The following SMYD3 variants were observed in gnomAD, a reference collection of about 807,000 sequenced individuals.
SMYD3 encodes SET and MYND domain containing 3.
SMYD3 carries 36 observed loss-of-function variants against 57.7 expected under a neutral mutation model. That is an observed-to-expected ratio of 0.62 (90% confidence interval 0.48 to 0.82). SMYD3 has a LOEUF of 0.82. Among genes scored for constraint, SMYD3 ranks in the 40% least tolerant of loss-of-function variants. SMYD3 has a pLI of 0.00. For missense variants in SMYD3, 515 were observed against 538.8 expected (o/e 0.96, Z 0.44); for synonymous variants, 211 against 195.0 (o/e 1.08, Z -0.68).
At chr1:246,232,192 T>C (rs1572248401) in intron 5 of SMYD3, among the ~76,000 whole-genome samples, 1 of 151,968 alleles carries the variant, frequency 6.6e-6, no homozygotes, top group Non-Finnish European at 1.5e-5. Flanking sequence ...GGTTAGGGGG[T>C]TAATGAATGA....
intron 10 of SMYD3, among the ~76,000 whole-genome samples, chr1:245,817,306 G>C (rs570014606): frequency 4.2e-5 from 6 of 143,394 alleles, no homozygotes; most frequent in Admixed American, 2.1e-4. Context: ...TCACATGGCA[G>C]GGTATTCCAA....
At position 246,499,419 on chromosome 1, in the gene SMYD3, CACACACAT is replaced by C. The variant is rs543633011; in HGVS notation, c.164+7627_164+7634del. Among the ~76,000 whole-genome samples the C allele has an allele frequency of 1.5e-3, 230 of 151,580 alleles. No individual in the cohort carries two copies. The East Asian group carries it at 0.03, about 19-fold the overall frequency. ...TCAAATATACACACACACACACACA[CACACACAT>C]ATATATATTTTTGTTATTGTTGTTT... is the stretch of plus-strand genomic sequence containing the variant. On this transcript the variant is annotated intron_variant, in intron 1 of 11. Coordinates refer to ENST00000490107, the MANE Select transcript of SMYD3 (RefSeq NM_001167740.2).
In SMYD3 at chr1:246,481,607, T is replaced by TATATATATATATATATATATATACAC. The variant is rs1156393004; in HGVS notation, c.164+25446_164+25447insGTGTATATATATATATATATATATAT. Among the ~76,000 whole-genome samples the TATATATATATATATATATATATACAC allele has an allele frequency of 2.7e-4, 17 of 61,954 alleles. 1 individual carries two copies. Among genetic ancestry groups the TATATATATATATATATATATATACAC allele is most frequent in the Admixed American group, 7.0e-4 (3 of 4,268 alleles). 40.6% of individuals were successfully genotyped at this position (61,954 alleles called of 152,430 possible). On this transcript the variant is annotated intron_variant, in intron 1 of 11. Coordinates refer to ENST00000490107, the MANE Select transcript of SMYD3 (RefSeq NM_001167740.2). ...TTCTCAGGCTCCATATATATATATA[T>TATATATATATATATATATATATACAC]ACACATACATATATACATACATACA... is the stretch of plus-strand genomic sequence containing the variant.
At chr1:245,823,233 G>C (rs2049278791) in intron 10 of SMYD3, among the ~76,000 whole-genome samples, 1 of 152,180 alleles carries the variant, frequency 6.6e-6, no homozygotes, top group Non-Finnish European at 1.5e-5. Context: ...ACATTGTTCA[G>C]GACGATTGCA....
chr1:246,169,901 C>CAAAAA lies in SMYD3; in HGVS notation c.531+157295_531+157299dup, dbSNP rs35486805. ...CCTAGGCAACAGAGCAAGACTCTGC[C>CAAAAA]AAAAAAAAAAAAAAGATACAGCAAG... On this transcript the variant is annotated intron_variant, in intron 5 of 11. Transcript: ENST00000490107. Among the ~76,000 whole-genome samples, 164 of 107,380 alleles carry CAAAAA rather than the reference C, an allele frequency of 1.5e-3. 1 individual carries two copies. The highest frequency in any genetic ancestry group is 5.1e-3 in the African/African-American group (149 of 29,278). 70.4% of individuals were successfully genotyped at this position (107,380 alleles called of 152,430 possible).
In SMYD3 at chr1:245,859,652, C is replaced by T. The variant is rs544204224; in HGVS notation, c.902-982G>A. On this transcript the variant is annotated intron_variant, in intron 9 of 11. Transcript: ENST00000490107. ...TTCACTGTGCGGTGTGTTAGGCGAG[C>T]TGGAGACCAAGGAGGGTGCAGGACT... Among the ~76,000 whole-genome samples the T allele has an allele frequency of 7.9e-5, 12 of 152,296 alleles. 1 individual carries two copies. The South Asian group carries it at 2.5e-3, about 32-fold the overall frequency.
chr1:246,216,475 G>C (rs2063166355), intron 5 of SMYD3, among the ~76,000 whole-genome samples: 1 of 152,058 alleles, frequency 6.6e-6, no homozygotes, highest in African/African-American at 2.4e-5. Flanking sequence ...CTAGGAACAA[G>C]TGGGAAAATC....
chr1:246,223,269 G>A (rs564759736), intron 5 of SMYD3, among the ~76,000 whole-genome samples: 3 of 152,296 alleles, frequency 2.0e-5, no homozygotes, highest in South Asian at 4.1e-4. Flanking sequence ...GAAGACAGCA[G>A]TGTTGCCAGA....
intron 5 of SMYD3, among the ~76,000 whole-genome samples, chr1:246,188,288 G>A (rs145648542): frequency 1.3e-5 from 2 of 152,160 alleles, no homozygotes; most frequent in Admixed American, 6.5e-5. Context: ...AGCGATCAGA[G>A]TCCAGATTGG....
At chr1:245,951,816 T>C (rs2057663272) in intron 5 of SMYD3, among the ~76,000 whole-genome samples, 3 of 152,118 alleles carry the variant, frequency 2.0e-5, no homozygotes, top group Non-Finnish European at 4.4e-5. Flanking sequence ...TCTTGAGTTA[T>C]ATACAGATTT....
chr1:245,947,312 C>T, intron 5 of SMYD3: 2 of 454,084 alleles, frequency 4.4e-6, no homozygotes, highest in Non-Finnish European at 8.9e-6. Context: ...GGCACTCTGT[C>T]ATGTGAATGT....
At chr1:245,854,527 G>C (rs2051133847) in intron 10 of SMYD3, among the ~76,000 whole-genome samples, 1 of 152,100 alleles carries the variant, frequency 6.6e-6, no homozygotes, top group Non-Finnish European at 1.5e-5. Flanking sequence ...AGCTAATCTA[G>C]ACAGATGTCT....
At chr1:245,885,408 C>A (rs540025952) in intron 8 of SMYD3, among the ~76,000 whole-genome samples, 11 of 152,188 alleles carry the variant, frequency 7.2e-5, no homozygotes, top group Non-Finnish European at 1.3e-4. Context: ...TTCACCCCTG[C>A]AAGCTTCCAG....
In SMYD3 at chr1:246,307,471, G is replaced by C. The variant is rs1032503364; in HGVS notation, c.531+19730C>G. Among the ~76,000 whole-genome samples, 10 of 142,400 alleles carry C rather than the reference G, an allele frequency of 7.0e-5. No individual in the cohort carries two copies. In the South Asian group the frequency reaches 8.9e-4, roughly 13 times the overall value. The allele number at this position is 142,400 out of a possible 152,430, so 93.4% of individuals were successfully genotyped here. On this transcript the variant is annotated intron_variant, in intron 5 of 11. Coordinates refer to ENST00000490107, the MANE Select transcript of SMYD3 (RefSeq NM_001167740.2). Reference sequence around the variant, plus strand: ...GTCTCGCTCTGTCGCCCAGGCTGGAGTGCAGTGGCGTGATCTCGGCTCACT... The same window carrying C: ...GTCTCGCTCTGTCGCCCAGGCTGGACTGCAGTGGCGTGATCTCGGCTCACT...
chr1:246,149,398 A>T (rs2061906960), intron 5 of SMYD3, among the ~76,000 whole-genome samples: 1 of 152,126 alleles, frequency 6.6e-6, no homozygotes, highest in Non-Finnish European at 1.5e-5. Flanking sequence ...GCTGTGACTG[A>T]TCCTCAATTT....
intron 5 of SMYD3, among the ~76,000 whole-genome samples, chr1:246,221,546 CT>C: frequency 6.6e-6 from 1 of 152,308 alleles, no homozygotes; most frequent in Non-Finnish European, 1.5e-5. Context: ...CTTTGGGGCC[CT>C]GTGGTTCCTG....
intron 5 of SMYD3, among the ~76,000 whole-genome samples, chr1:245,985,698 C>T (rs923266960): frequency 1.3e-5 from 2 of 152,162 alleles, no homozygotes; most frequent in East Asian, 3.8e-4. Context: ...ATATTTTAAG[C>T]TCCAATAACA....
rs2046558720 is a variant in SMYD3 at position 245,775,723 on chromosome 1, A to AAAT, written c.1077-11575_1077-11574insATT. Among the ~76,000 whole-genome samples the AAAT allele has an allele frequency of 2.2e-5, 3 of 135,288 alleles. No individual in the cohort carries two copies. In the East Asian group the frequency reaches 6.5e-4, roughly 29 times the overall value. The allele number at this position is 135,288 out of a possible 152,430, so 88.8% of individuals were successfully genotyped here. On this transcript the variant is annotated intron_variant, in intron 10 of 11. Transcript: ENST00000490107. ...GAATGATCAATAAATACTAAAAAAA[A>AAAT]AAAAAAATAAAAAAAATAAATGGAT...
intron 1 of SMYD3, among the ~76,000 whole-genome samples, chr1:246,395,063 G>A (rs556197228): frequency 6.6e-6 from 1 of 152,342 alleles, no homozygotes; most frequent in South Asian, 2.1e-4. Context: ...TGATATAAGA[G>A]AGGCTCCTGA....
Sources: gnomAD v4.1 joint callset for allele counts (sites outside exome capture counted in the v4.1 genomes callset) on GRCh38, gnomAD v4.1.1 for gene constraint, MANE v1.5 for transcripts, NCBI Gene and HGNC (gene_info 2026-07-23, HGNC 2026-07-21) for gene names.